DPP3: variants seen among roughly 807,000 people sequenced by gnomAD.
DPP3 encodes the protein dipeptidyl peptidase 3, also known as DPP III.
DPP3 carries 64 observed loss-of-function variants against 89.8 expected under a neutral mutation model. The observed-to-expected ratio is 0.71, with a 90% CI of 0.58 to 0.88. The LOEUF (loss-of-function observed/expected upper bound fraction) is 0.88. DPP3 is among the 40% of genes least tolerant of loss of function. The pLI, the probability that DPP3 is intolerant of heterozygous loss-of-function variation, is 0.00. For synonymous variants in DPP3, 377 were observed against 404.3 expected (o/e 0.93, Z 0.81); for missense variants, 835 against 972.5 (o/e 0.86, Z 1.88).
rs1855756721 is a variant in DPP3 at position 66,504,651 on chromosome 11, CT to C, written c.1919del (p.Leu640ArgfsTer192). 1 of 1,613,072 alleles carries C rather than the reference CT, an allele frequency of 6.2e-7. No homozygotes were observed. The highest frequency in any genetic ancestry group is 1.7e-5 in the Admixed American group (1 of 59,936). ...AGGGGATGTGGCCGGAGGGCGGGCCCTGTACGAGGGGTATGCAACAGTCACT... is the reference window on the plus strand; with the variant it reads ...AGGGGATGTGGCCGGAGGGCGGGCCCGTACGAGGGGTATGCAACAGTCACT... ...STGDVAGGRA[L>X]YEGYATVTDA... On this transcript the variant is annotated frameshift_variant, in exon 17 of 18. Coordinates refer to ENST00000531863, the MANE Select transcript of DPP3 (RefSeq NM_130443.4). LOFTEE classifies it high-confidence loss of function.
intron 16 of DPP3, among the ~76,000 whole-genome samples, chr11:66,499,641 G>A (rs1475833707): frequency 6.6e-6 from 1 of 151,772 alleles, no homozygotes; most frequent in Non-Finnish European, 1.5e-5. Context: ...ATGGTGGCAG[G>A]CGCCTGTAAT....
At chr11:66,484,802 C>T (rs1855177728) in intron 2 of DPP3, among the ~76,000 whole-genome samples, 1 of 152,104 alleles carries the variant, frequency 6.6e-6, no homozygotes, top group African/African-American at 2.4e-5. Context: ...AGGCCAGCTG[C>T]CTGACAGGTC....
At chr11:66,486,823 G>T in intron 4 of DPP3, 146 bp downstream of exon 4, 7 of 1,025,728 alleles carry the variant, frequency 6.8e-6, no homozygotes, top group Non-Finnish European at 8.1e-6. Flanking sequence ...GCAGGCCTCA[G>T]TTTTGTCATC....
rs184459084 is a variant in DPP3 at position 66,485,296 on chromosome 11, G to C, written c.360+34G>C. On this transcript the variant is annotated intron_variant, in intron 3 of 17. Transcript: ENST00000531863. ...AGGGAGGGTTGGGGAAGGTGGGGATGGGGGGCTGGTGGGGTAGAGATGGAA... is the reference window on the plus strand; with the variant it reads ...AGGGAGGGTTGGGGAAGGTGGGGATCGGGGGCTGGTGGGGTAGAGATGGAA... 711 of 1,600,108 alleles carry C rather than the reference G, an allele frequency of 4.4e-4. 2 individuals carry two copies. The African/African-American group carries it at 7.1e-3, about 16-fold the overall frequency.
chr11:66,490,772 G>GTTT (rs1188892393), intron 6 of DPP3, among the ~76,000 whole-genome samples: 3 of 131,934 alleles, frequency 2.3e-5, no homozygotes, highest in East Asian at 2.2e-4. Flanking sequence ...TTTTTGTTTT[G>GTTT]TTTTTTTTTT....
chr11:66,488,099 A>G, intron 6 of DPP3, 92 bp downstream of exon 6: 6 of 1,092,870 alleles, frequency 5.5e-6, no homozygotes, highest in South Asian at 1.5e-5. Flanking sequence ...ACTCCTTCAG[A>G]AAGAGCATCC....
At chr11:66,487,771 C>G in intron 5 of DPP3, 143 bp from the exon 6 acceptor site, 1 of 683,992 alleles carries the variant, frequency 1.5e-6, no homozygotes, top group Non-Finnish European at 2.5e-6. Context: ...CCCACTCTCT[C>G]CCACTCCTGC....
At position 66,482,379 on chromosome 11, in the gene DPP3, A is replaced by G. The variant is rs907478885; in HGVS notation, c.179A>G (p.Tyr60Cys). ...LQTSPEAPYI[Y>C]ALLSRLFRAQ... ...ACCTCCCCTGAGGCCCCCTACATCT[A>G]TGCTCTGCTCAGCCGCCTCTTCCGC... is the stretch of plus-strand genomic sequence containing the variant. Residue 60 changes from tyrosine to cysteine, a missense_variant, in exon 2 of 18, where the codon TAT becomes TGT. Coordinates refer to ENST00000531863, the MANE Select transcript of DPP3 (RefSeq NM_130443.4). 13 of 1,612,060 alleles carry G rather than the reference A, an allele frequency of 8.1e-6. No individual in the cohort carries two copies. Among genetic ancestry groups the G allele is most frequent in the African/African-American group, 1.3e-5 (1 of 74,902 alleles).
chr11:66,491,587 C>A lies in DPP3; in HGVS notation c.892C>A (p.Arg298Ser). 2 of 1,613,896 alleles carry A rather than the reference C, an allele frequency of 1.2e-6. No individual in the cohort carries two copies. Among genetic ancestry groups the A allele is most frequent in the Non-Finnish European group, 1.7e-6 (2 of 1,179,836 alleles). Reference protein sequence around the residue: ...GSIEAHKRGSRFWIQDKGPIV... With the variant: ...GSIEAHKRGSSFWIQDKGPIV... ...CATCGAGGCCCACAAGAGGGGCTCC[C>A]GCTTCTGGATCCAGGACAAAGGCCC... Residue 298 changes from arginine to serine, a missense_variant, in exon 8 of 18, where the codon CGC (arginine) becomes AGC (serine). Transcript: ENST00000531863.
chr11:66,493,704 G>A (rs901298974), intron 12 of DPP3, 71 bp downstream of exon 12: 69 of 1,477,690 alleles, frequency 4.7e-5, no homozygotes, highest in Middle Eastern at 3.4e-4. Flanking sequence ...CCTACCCAGC[G>A]GTGAAGCTGC....
Position 66,482,487 on chromosome 11 carries a change from CA to C in DPP3, c.270+19del, listed in dbSNP as rs768363395. On this transcript the variant is annotated intron_variant, in intron 2 of 17. Transcript: ENST00000531863. ...GAGTATCAGGTCAGTTCTCTTGGGC[CA>C]ACCCACATTACCTGAGTGGCTTCTG... 29 of 1,597,294 alleles carry C rather than the reference CA, an allele frequency of 1.8e-5. No individual in the cohort carries two copies. The Admixed American group carries it at 4.8e-4, about 27-fold the overall frequency.
In DPP3 at chr11:66,509,460, C is replaced by T; in HGVS notation, c.*209C>T. 1 of 1,481,636 alleles carries T rather than the reference C, an allele frequency of 6.7e-7. No individual in the cohort carries two copies. Among genetic ancestry groups the T allele is most frequent in the Non-Finnish European group, 9.1e-7 (1 of 1,097,634 alleles). The allele number at this position is 1,481,636 out of a possible 1,614,324, so 91.8% of individuals were successfully genotyped here. A position where few individuals can be genotyped will look rare whatever the true frequency, so the allele number is the denominator to read the frequency against. On this transcript the variant is annotated 3_prime_UTR_variant, in exon 18 of 18. Transcript: ENST00000531863. Reference sequence around the variant, plus strand: ...CCCCTCTGTGATCTCATTTCATCTGCACTGCCATACGTGGAGTGAGCAAGA... The same window carrying T: ...CCCCTCTGTGATCTCATTTCATCTGTACTGCCATACGTGGAGTGAGCAAGA...
intron 15 of DPP3, among the ~76,000 whole-genome samples, chr11:66,496,814 C>T (rs970152731): frequency 4.6e-5 from 7 of 152,260 alleles, no homozygotes; most frequent in Non-Finnish European, 7.4e-5. Flanking sequence ...CTGGCTCTTC[C>T]GTTATTAGCT....
chr11:66,506,499 C>T (rs1293186094), intron 17 of DPP3, among the ~76,000 whole-genome samples: 2 of 152,136 alleles, frequency 1.3e-5, no homozygotes, highest in African/African-American at 4.8e-5. Context: ...AGGTGATCCA[C>T]CCTCCTCGGC....
intron 9 of DPP3, chr11:66,492,280 C>T (rs1160997083): frequency 3.4e-5 from 6 of 177,720 alleles, no homozygotes; most frequent in Admixed American, 5.8e-5. Context: ...CAGGCTGCCG[C>T]GGCCCCCACC....
At chr11:66,483,501 A>C (rs915778550) in intron 2 of DPP3, among the ~76,000 whole-genome samples, 4 of 152,116 alleles carry the variant, frequency 2.6e-5, no homozygotes, top group African/African-American at 9.7e-5. Flanking sequence ...AATGGGGTAC[A>C]TTTAAATGTA....
chr11:66,482,166 A>G (rs1855101402), intron 1 of DPP3, 27 bp from the exon 2 acceptor site: 1 of 1,610,978 alleles, frequency 6.2e-7, no homozygotes, highest in African/African-American at 1.3e-5. Context: ...GGTAAACAAC[A>G]GCTGTGATGA....
At chr11:66,503,535 T>C (rs1855729491) in intron 16 of DPP3, among the ~76,000 whole-genome samples, 1 of 152,170 alleles carries the variant, frequency 6.6e-6, no homozygotes, top group Admixed American at 6.6e-5. Flanking sequence ...CAGAGTGTCT[T>C]AGTCTGTCTT....
At chr11:66,487,411 T>A (rs546278458) in intron 5 of DPP3, 69 bp downstream of exon 5, 1 of 1,496,500 alleles carries the variant, frequency 6.7e-7, no homozygotes, top group African/African-American at 1.4e-5. Context: ...CCCTCACAAC[T>A]GGTGACCACT....
Sources: gnomAD v4.1 joint callset for allele counts (sites outside exome capture counted in the v4.1 genomes callset) on GRCh38, gnomAD v4.1.1 for gene constraint, MANE v1.5 for transcripts, NCBI Gene and HGNC (gene_info 2026-07-23, HGNC 2026-07-21) for gene names.